The following STAG1 variants were observed in gnomAD, a reference collection of about 807,000 sequenced individuals.
STAG1 encodes STAG1 cohesin complex component.
Under a neutral mutation model 170.9 loss-of-function variants are expected in STAG1, and 26 were observed. The ratio of observed to expected loss-of-function variants is 0.15; its 90% CI spans 0.11 to 0.21. The LOEUF (loss-of-function observed/expected upper bound fraction) is 0.21. Among genes scored for constraint, STAG1 ranks in the 10% least tolerant of loss-of-function variants. STAG1 has a pLI of 1.00. For synonymous variants in STAG1, 514 were observed against 497.7 expected (o/e 1.03, Z -0.44); for missense variants, 964 against 1,509.5 (o/e 0.64, Z 5.99).
chr3:136,421,252 T>C (rs561233931), intron 19 of STAG1, 89 bp from the exon 20 acceptor site: 2 of 733,856 alleles, frequency 2.7e-6, no homozygotes, highest in Admixed American at 3.1e-5. Flanking sequence ...TTCTTCTAAA[T>C]TATATTAATA....
chr3:136,387,896 G>A lies in STAG1; in HGVS notation c.2278-10144C>T, dbSNP rs371309156. 2.6e-5 allele frequency among the ~76,000 whole-genome samples: 4 copies of A among 152,290 alleles called. No individual in the cohort carries two copies. In the East Asian group the frequency reaches 5.8e-4, roughly 22 times the overall value. ...AGCTAAAGAAGGAGTCAGAGGAACA[G>A]GGGAAAAGCAGTGACTGTTAGGACC... is the stretch of plus-strand genomic sequence containing the variant. On this transcript the variant is annotated intron_variant, in intron 22 of 33. Transcript: ENST00000383202.
chr3:136,619,432 A>G (rs1173278868), intron 3 of STAG1, among the ~76,000 whole-genome samples: 1 of 151,646 alleles, frequency 6.6e-6, no homozygotes, highest in Non-Finnish European at 1.5e-5. Flanking sequence ...CAGTTAAGTC[A>G]TATTGGGTAG....
At chr3:136,741,107 G>A (rs1934647051) in intron 1 of STAG1, among the ~76,000 whole-genome samples, 1 of 152,220 alleles carries the variant, frequency 6.6e-6, no homozygotes. Flanking sequence ...GGTCCTGGAA[G>A]AAAGACATGT....
intron 5 of STAG1, among the ~76,000 whole-genome samples, chr3:136,547,770 C>T (rs920860760): frequency 1.3e-5 from 2 of 152,126 alleles, no homozygotes; most frequent in South Asian, 2.1e-4. Context: ...TGGTGTTATT[C>T]CCATGAATTC....
intron 22 of STAG1, among the ~76,000 whole-genome samples, chr3:136,389,634 C>T (rs2086955607): frequency 6.6e-6 from 1 of 152,102 alleles, no homozygotes; most frequent in Admixed American, 6.6e-5. Context: ...ATTCTCCTGC[C>T]TCGGCCTTCT....
intron 1 of STAG1, among the ~76,000 whole-genome samples, chr3:136,703,510 G>C (rs1342818618): frequency 6.6e-6 from 1 of 152,198 alleles, no homozygotes; most frequent in African/African-American, 2.4e-5. Flanking sequence ...GTGATTTATT[G>C]AGCGGCATTG....
At chr3:136,360,602 A>G (rs1319038898) in intron 26 of STAG1, among the ~76,000 whole-genome samples, 1 of 152,184 alleles carries the variant, frequency 6.6e-6, no homozygotes, top group Non-Finnish European at 1.5e-5. Context: ...GGCCTGAACT[A>G]CTTGCTATGT....
At chr3:136,739,504 A>G (rs1166248038) in intron 1 of STAG1, among the ~76,000 whole-genome samples, 1 of 133,478 alleles carries the variant, frequency 7.5e-6, no homozygotes, top group Non-Finnish European at 1.6e-5. Flanking sequence ...AGACTCCGTC[A>G]AAAAAAAAAA....
At chr3:136,681,893 T>C (rs1256217005) in intron 1 of STAG1, among the ~76,000 whole-genome samples, 3 of 152,130 alleles carry the variant, frequency 2.0e-5, no homozygotes, top group Admixed American at 6.5e-5. Context: ...AAAGGTGGCA[T>C]ATGAAATACG....
intron 1 of STAG1, among the ~76,000 whole-genome samples, chr3:136,711,849 T>C (rs1174517939): frequency 1.3e-5 from 2 of 152,124 alleles, no homozygotes; most frequent in African/African-American, 4.8e-5. Flanking sequence ...CAAAAATCTA[T>C]TCCAGGTGAA....
chr3:136,699,977 G>A (rs1262187316), intron 1 of STAG1, among the ~76,000 whole-genome samples: 1 of 151,902 alleles, frequency 6.6e-6, no homozygotes, highest in Non-Finnish European at 1.5e-5. Context: ...ATGTACATCT[G>A]CTTTAAATGC....
At chr3:136,541,297 G>C (rs968065678) in intron 6 of STAG1, among the ~76,000 whole-genome samples, 1 of 152,048 alleles carries the variant, frequency 6.6e-6, no homozygotes, top group African/African-American at 2.4e-5. Context: ...AAGGCAGATT[G>C]TTAAAACTGG....
intron 12 of STAG1, among the ~76,000 whole-genome samples, chr3:136,465,558 CAAAAAAAAAAAAAA>C (rs11364802): frequency 2.1e-5 from 1 of 48,218 alleles, no homozygotes; most frequent in African/African-American, 9.8e-5. Context: ...ACTCTTGCCT[CAAAAAAAAAAAAAA>C]AAAAAAAAAA....
intron 1 of STAG1, among the ~76,000 whole-genome samples, chr3:136,647,429 C>A (rs996423791): frequency 1.8e-4 from 28 of 152,040 alleles, no homozygotes; most frequent in African/African-American, 6.8e-4. Flanking sequence ...ATTAGCCGGG[C>A]CTGGTAGCGC....
chr3:136,616,583 T>C (rs1040893647), intron 3 of STAG1, among the ~76,000 whole-genome samples: 2 of 152,114 alleles, frequency 1.3e-5, no homozygotes, highest in Non-Finnish European at 2.9e-5. Context: ...CTTTGTTTCT[T>C]AGAAAAATAA....
intron 1 of STAG1, among the ~76,000 whole-genome samples, chr3:136,654,606 T>C (rs1217978638): frequency 2.0e-5 from 3 of 152,186 alleles, no homozygotes; most frequent in Non-Finnish European, 2.9e-5. Context: ...AACAACAGTA[T>C]TTTTTGCAGA....
chr3:136,365,466 C>T (rs534774972), intron 25 of STAG1, among the ~76,000 whole-genome samples: 1 of 152,168 alleles, frequency 6.6e-6, no homozygotes, highest in African/African-American at 2.4e-5. Context: ...AATCATAGTT[C>T]TGATTTTCCA....
chr3:136,564,028 A>G (rs1278162692), intron 5 of STAG1, among the ~76,000 whole-genome samples: 1 of 152,122 alleles, frequency 6.6e-6, no homozygotes, highest in East Asian at 1.9e-4. Flanking sequence ...CTCGAAAAAA[A>G]AAATACAGGG....
At chr3:136,738,265 C>T (rs1934458804) in intron 1 of STAG1, among the ~76,000 whole-genome samples, 3 of 151,596 alleles carry the variant, frequency 2.0e-5, no homozygotes, top group Non-Finnish European at 4.4e-5. Context: ...CCAAGGCGGG[C>T]AGATCACCTG....
Sources: allele counts gnomAD v4.1 joint callset (sites outside exome capture counted in the v4.1 genomes callset), GRCh38; gene constraint gnomAD v4.1.1; transcripts MANE v1.5; gene names NCBI Gene and HGNC (gene_info 2026-07-23, HGNC 2026-07-21).